CNTNAP3B: variants seen among roughly 807,000 people sequenced by gnomAD.
CNTNAP3B encodes contactin-associated protein-like 3B.
In CNTNAP3B, 25 loss-of-function variants were observed where a neutral mutation model predicts 108.9. That is an observed-to-expected ratio of 0.23 (90% CI 0.17 to 0.32). The LOEUF (loss-of-function observed/expected upper bound fraction) is 0.32, where lower values mean the gene tolerates loss of function less well. CNTNAP3B is among the 10% of genes least tolerant of loss of function. The probability of loss-of-function intolerance (pLI) is 1.00; values close to 1 mark genes in which losing one functional copy is unlikely to be tolerated. For synonymous variants in CNTNAP3B, 103 were observed against 473.4 expected (o/e 0.22, Z 10.16); for missense variants, 252 against 1,210.4 (o/e 0.21, Z 11.75).
At chr9:41,931,745 T>G (rs1199530374) in intron 14 of CNTNAP3B, among the ~76,000 whole-genome samples, 1 of 149,062 alleles carries the variant, frequency 6.7e-6, no homozygotes, top group African/African-American at 2.5e-5. Context: ...GTCTAGGAAA[T>G]TTTTTATTAA....
chr9:42,062,414 A>G, intron 3 of CNTNAP3B, among the ~76,000 whole-genome samples: 1 of 62,912 alleles, frequency 1.6e-5, no homozygotes, highest in Non-Finnish European at 3.0e-5. Flanking sequence ...TATCTGGTAT[A>G]AGTACAGCTA....
Position 42,118,220 on chromosome 9 carries a change from A to C in CNTNAP3B, c.85+10790T>G, listed in dbSNP as rs1313897542. On this transcript the variant is annotated intron_variant, in intron 1 of 23. Transcript: ENST00000377561. ...ATACCAAAGCCTGGCAGAGACACAA[A>C]CAAAAAAGAGAATTTTAGACCAATA... Among the ~76,000 whole-genome samples, 3 of 138,508 alleles carry C rather than the reference A, an allele frequency of 2.2e-5. 1 individual carries two copies. The highest frequency in any genetic ancestry group is 7.1e-5 in the Admixed American group (1 of 14,018). 90.9% of individuals were successfully genotyped at this position (138,508 alleles called of 152,430 possible).
intron 10 of CNTNAP3B, among the ~76,000 whole-genome samples, chr9:41,964,933 A>T: frequency 6.6e-6 from 1 of 152,368 alleles, no homozygotes; most frequent in East Asian, 1.9e-4. Flanking sequence ...TAGCAAAACC[A>T]ATTACACACA....
Position 42,110,266 on chromosome 9 carries a change from G to A in CNTNAP3B, c.86-5527C>T, listed in dbSNP as rs1476207627. ...ACAGATACTCAATTCCTTCTGAGAA[G>A]GGCTTCGTGATGCTAAGCCACTCTG... On this transcript the variant is annotated intron_variant, in intron 1 of 23. Coordinates refer to ENST00000377561, the MANE Select transcript of CNTNAP3B (RefSeq NM_001201380.3). Among the ~76,000 whole-genome samples, 3 of 135,872 alleles carry A rather than the reference G, an allele frequency of 2.2e-5. 1 individual carries two copies. The highest frequency in any genetic ancestry group is 4.7e-5 in the Non-Finnish European group (3 of 64,050). 89.1% of individuals were successfully genotyped at this position (135,872 alleles called of 152,430 possible). A position where few individuals can be genotyped will look rare whatever the true frequency, so the allele number is the denominator to read the frequency against.
intron 3 of CNTNAP3B, among the ~76,000 whole-genome samples, chr9:42,037,326 C>T (rs1466350648): frequency 1.8e-5 from 2 of 109,140 alleles, no homozygotes; most frequent in Non-Finnish European, 3.8e-5. Flanking sequence ...TAATAACAAA[C>T]TTCTCTGAGC....
At chr9:41,923,749 A>C in intron 16 of CNTNAP3B, 174 bp downstream of exon 16, 1 of 1,274,292 alleles carries the variant, frequency 7.8e-7, no homozygotes. Context: ...GTGACACAGC[A>C]AAATCCTCTC....
intron 1 of CNTNAP3B, among the ~76,000 whole-genome samples, chr9:42,121,988 A>G (rs563079293): frequency 7.2e-6 from 1 of 139,750 alleles, no homozygotes; most frequent in East Asian, 2.2e-4. Flanking sequence ...CCTTGCCTCC[A>G]AGTCCTCTGG....
chr9:41,954,842 C>A (rs1306814664), intron 12 of CNTNAP3B, among the ~76,000 whole-genome samples: 1 of 152,250 alleles, frequency 6.6e-6, no homozygotes, highest in African/African-American at 2.4e-5. Context: ...CACCACCACA[C>A]CTGGCTAATT....
At chr9:41,944,745 C>T (rs1401343717) in intron 13 of CNTNAP3B, among the ~76,000 whole-genome samples, 2 of 152,236 alleles carry the variant, frequency 1.3e-5, no homozygotes, top group Non-Finnish European at 2.9e-5. Flanking sequence ...AAAGCAATGG[C>T]AACAAAAGCC....
At chr9:41,951,034 A>G (rs1196287765) in intron 13 of CNTNAP3B, among the ~76,000 whole-genome samples, 2 of 80,752 alleles carry the variant, frequency 2.5e-5, no homozygotes, top group African/African-American at 4.1e-5. Flanking sequence ...GATTACAGGC[A>G]TGAGCCACCG....
chr9:41,990,582 G>A (rs150684965), intron 8 of CNTNAP3B, among the ~76,000 whole-genome samples: 33,238 of 112,778 alleles, frequency 0.29, 2,501 homozygotes, highest in East Asian at 0.45. Flanking sequence ...CAGCCAAAAG[G>A]AATCTTTTTT....
rs1244451539 is a variant in CNTNAP3B, at chr9:42,120,480, C to T, written c.85+8530G>A. Among the ~76,000 whole-genome samples the T allele has an allele frequency of 2.9e-5, 4 of 137,682 alleles. 1 individual carries two copies. The highest frequency in any genetic ancestry group is 1.2e-4 in the African/African-American group (4 of 34,386). 90.3% of individuals were successfully genotyped at this position (137,682 alleles called of 152,430 possible). A position where few individuals can be genotyped will look rare whatever the true frequency, so the allele number is the denominator to read the frequency against. The stretch of plus-strand genomic sequence containing the variant: ...CAGCCATCCCATTACTGGGTATATA[C>T]CCAAAGGATTATAAATCATGCTGCT... On this transcript the variant is annotated intron_variant, in intron 1 of 23. Coordinates refer to ENST00000377561, the MANE Select transcript of CNTNAP3B (RefSeq NM_001201380.3).
At chr9:41,919,553 C>T (rs1433461702) in intron 18 of CNTNAP3B, among the ~76,000 whole-genome samples, 433 of 152,102 alleles carry the variant, frequency 2.8e-3, no homozygotes, top group African/African-American at 9.7e-3. Context: ...ATATTCTTTT[C>T]CCCTTCTAGT....
At chr9:41,963,855 A>G (rs550575747) in intron 11 of CNTNAP3B, among the ~76,000 whole-genome samples, 134 of 152,320 alleles carry the variant, frequency 8.8e-4, no homozygotes, top group Non-Finnish European at 1.5e-3. Context: ...TAATAAGAGT[A>G]CTTTCTTCCA....
intron 13 of CNTNAP3B, among the ~76,000 whole-genome samples, chr9:41,941,437 G>C (rs1318750580): frequency 7.3e-5 from 11 of 150,852 alleles, no homozygotes. Flanking sequence ...AAAAATACTA[G>C]AACAGGGACA....
At chr9:42,113,797 A>G (rs987210040) in intron 1 of CNTNAP3B, among the ~76,000 whole-genome samples, 4 of 139,294 alleles carry the variant, frequency 2.9e-5, no homozygotes, top group African/African-American at 1.1e-4. Context: ...AAAGAGTGTA[A>G]TTGGATTGTT....
intron 3 of CNTNAP3B, among the ~76,000 whole-genome samples, chr9:42,033,052 A>T (rs966296808): frequency 6.9e-6 from 1 of 144,140 alleles, no homozygotes; most frequent in Non-Finnish European, 1.5e-5. Flanking sequence ...CTGTCCATAC[A>T]GCACTCCATG....
intron 13 of CNTNAP3B, among the ~76,000 whole-genome samples, chr9:41,942,132 A>AC (rs1194461908): frequency 9.8e-5 from 15 of 152,394 alleles, no homozygotes; most frequent in African/African-American, 3.6e-4. Context: ...TCTGAAGGTC[A>AC]CAGTCCAGGA....
chr9:41,994,927 T>C, intron 7 of CNTNAP3B: 1 of 115,952 alleles, frequency 8.6e-6, no homozygotes, highest in Non-Finnish European at 1.5e-5. Flanking sequence ...TGAAAGAAGT[T>C]TATTAACTGA....
Sources: allele counts gnomAD v4.1 joint callset (sites outside exome capture counted in the v4.1 genomes callset), GRCh38; gene constraint gnomAD v4.1.1; transcripts MANE v1.5; gene names NCBI Gene and HGNC (gene_info 2026-07-23, HGNC 2026-07-21).